FLT1: variants seen among roughly 807,000 people sequenced by gnomAD.
FLT1 encodes the protein fms related receptor tyrosine kinase 1, also known as vascular endothelial growth factor receptor 1.
In FLT1, 49 loss-of-function variants were observed where a neutral mutation model predicts 156.3. The ratio of observed to expected loss-of-function variants is 0.31; its 90% CI spans 0.25 to 0.40. The LOEUF is 0.40. Ranked by LOEUF, FLT1 falls within the 10% of genes least tolerant of loss-of-function variation. The probability of loss-of-function intolerance (pLI) is 1.00; values close to 1 mark genes in which losing one functional copy is unlikely to be tolerated. For synonymous variants in FLT1, 594 were observed against 583.8 expected, an observed-to-expected ratio of 1.02 and a Z score of -0.25; for missense variants, 1,322 against 1,637.2, an observed-to-expected ratio of 0.81 and a Z score of 3.32.
At chr13:28,368,773 C>G (rs1873421231) in intron 14 of FLT1, 1 of 609,092 alleles carries the variant, frequency 1.6e-6, no homozygotes, top group Non-Finnish European at 2.9e-6. Context: ...GGTGCAATCT[C>G]TGCGCACTGC....
intron 13 of FLT1, chr13:28,388,420 G>A (rs993932992): frequency 4.7e-6 from 5 of 1,054,702 alleles, no homozygotes; most frequent in South Asian, 4.6e-5. Flanking sequence ...CCCAGCCACT[G>A]TGTTTCTCAG....
intron 17 of FLT1, among the ~76,000 whole-genome samples, chr13:28,335,933 A>G (rs1311159193): frequency 6.6e-6 from 1 of 152,230 alleles, no homozygotes; most frequent in Non-Finnish European, 1.5e-5. Flanking sequence ...TGCCTTCTCT[A>G]TACTAGTAAA....
At chr13:28,426,529 G>A (rs1877351521) in intron 10 of FLT1, among the ~76,000 whole-genome samples, 1 of 152,160 alleles carries the variant, frequency 6.6e-6, no homozygotes, top group African/African-American at 2.4e-5. Context: ...TTTGCGCATC[G>A]AGTGATGTAA....
At chr13:28,356,947 C>G (rs1872920379) in intron 15 of FLT1, among the ~76,000 whole-genome samples, 1 of 152,200 alleles carries the variant, frequency 6.6e-6, no homozygotes, top group African/African-American at 2.4e-5. Context: ...GATTAGGCCT[C>G]TTTGTATTTT....
Position 28,389,984 on chromosome 13 carries a change from G to T in FLT1, c.1781C>A (p.Thr594Lys). The change falls in exon 13 of 30, where the codon ACA (threonine) becomes AAA (lysine). Residue 594 changes from threonine (T) to lysine (K), a missense_variant. Thr to Lys is a moderately conservative substitution (Grantham distance 78). Coordinates refer to ENST00000282397, the MANE Select transcript of FLT1 (RefSeq NM_002019.4). ...YRDVTWILLR[T>K]VNNRTMHYSI... ...GTAGTGCATTGTTCTGTTATTAACT[G>T]TCCGCAGTAAAATCCAAGTAACGTC... is the stretch of plus-strand genomic sequence containing the variant. The T allele has an allele frequency of 6.2e-7, 1 of 1,614,062 alleles. No homozygotes were observed.
At chr13:28,419,672 G>A (rs1816547492) in intron 10 of FLT1, among the ~76,000 whole-genome samples, 1 of 152,216 alleles carries the variant, frequency 6.6e-6, no homozygotes, top group Non-Finnish European at 1.5e-5. Flanking sequence ...GAGGTCAGGG[G>A]ATCGAGACCA....
chr13:28,356,654 G>C (rs574636299), intron 15 of FLT1, among the ~76,000 whole-genome samples: 10 of 152,234 alleles, frequency 6.6e-5, no homozygotes, highest in African/African-American at 2.4e-4. Context: ...AAGTTTCAGG[G>C]GGAAAAAAAC....
intron 29 of FLT1, among the ~76,000 whole-genome samples, chr13:28,306,035 C>T (rs1286736997): frequency 6.6e-6 from 1 of 152,206 alleles, no homozygotes; most frequent in Non-Finnish European, 1.5e-5. Flanking sequence ...GAACATCCGA[C>T]AGGTGCAGCT....
At chr13:28,403,307 T>G (rs970303471) in intron 11 of FLT1, among the ~76,000 whole-genome samples, 1 of 152,238 alleles carries the variant, frequency 6.6e-6, no homozygotes, top group Non-Finnish European at 1.5e-5. Context: ...TAAAATCTTC[T>G]GCGTAACTGT....
intron 15 of FLT1, among the ~76,000 whole-genome samples, chr13:28,346,511 G>A (rs532284878): frequency 1.3e-5 from 2 of 151,578 alleles, no homozygotes; most frequent in African/African-American, 2.4e-5. Context: ...CTGGAGCCCC[G>A]GAGTTTGAGA....
intron 13 of FLT1, chr13:28,388,000 G>A (rs1565997704): frequency 9.4e-7 from 1 of 1,059,864 alleles, no homozygotes; most frequent in Middle Eastern, 4.2e-4. Flanking sequence ...TCACCATTTT[G>A]TTTTCATAAG....
intron 11 of FLT1, chr13:28,399,188 T>G: frequency 9.7e-7 from 1 of 1,031,570 alleles, no homozygotes; most frequent in Non-Finnish European, 1.4e-6. Flanking sequence ...CTTAGACCCT[T>G]CAAAGCAGTA....
At chr13:28,368,664 C>A (rs1873410564) in intron 14 of FLT1, 16 of 838,782 alleles carry the variant, frequency 1.9e-5, no homozygotes, top group Non-Finnish European at 3.0e-5. Flanking sequence ...GTATACAGTT[C>A]TAGGTACACA....
chr13:28,316,255 G>C (rs913305278), intron 25 of FLT1, among the ~76,000 whole-genome samples: 4 of 152,332 alleles, frequency 2.6e-5, no homozygotes, highest in African/African-American at 9.6e-5. Flanking sequence ...ACCCCGAGAT[G>C]ATGAAGGAAA....
rs527990755 is a variant in FLT1, at chr13:28,359,877, G to A, written c.2117-2192C>T. ...TGTAATCCCAGCACTTTGGGAGGCCGAGGTGGGCAGATCATCTGAGGTCAA... is the reference window on the plus strand; with the variant it reads ...TGTAATCCCAGCACTTTGGGAGGCCAAGGTGGGCAGATCATCTGAGGTCAA... On this transcript the variant is annotated intron_variant, in intron 14 of 29. Coordinates refer to ENST00000282397, the MANE Select transcript of FLT1 (RefSeq NM_002019.4). Among the ~76,000 whole-genome samples, 298 of 152,236 alleles carry A rather than the reference G, an allele frequency of 2.0e-3. 2 individuals carry two copies. Among genetic ancestry groups the A allele is most frequent in the Non-Finnish European group, 2.1e-3 (142 of 68,012 alleles).
At chr13:28,476,334 G>A (rs1385721527) in intron 1 of FLT1, among the ~76,000 whole-genome samples, 2 of 152,210 alleles carry the variant, frequency 1.3e-5, no homozygotes, top group African/African-American at 4.8e-5. Flanking sequence ...AATGTGGCAA[G>A]AGTATGAAGC....
chr13:28,309,062 G>A (rs552851491), intron 27 of FLT1, 135 bp from the exon 28 acceptor site: 17 of 657,286 alleles, frequency 2.6e-5, no homozygotes, highest in South Asian at 6.2e-5. Context: ...CTGAGGCCCC[G>A]ATCTCCCCGC....
intron 14 of FLT1, among the ~76,000 whole-genome samples, chr13:28,378,366 C>A (rs941339958): frequency 1.3e-5 from 2 of 152,116 alleles, no homozygotes; most frequent in African/African-American, 4.8e-5. Context: ...TCTTTAAGGG[C>A]TGAGAATGAG....
In FLT1 at chr13:28,317,531, C is replaced by T. The variant is rs2138822470; in HGVS notation, c.3353G>A (p.Arg1118Lys). The T allele has an allele frequency of 6.2e-7, 1 of 1,613,820 alleles. No homozygotes were observed. The highest frequency in any genetic ancestry group is 2.2e-5 in the East Asian group (1 of 44,878). ...DFCSRLREGM[R>K]MRAPEYSTPE... is the part of the protein sequence containing the mutation. ...AGTAGAGTACTCAGGAGCTCTCATC[C>T]TCATGCCTTCCCTCAGGCGACTGCA... Residue 1118 changes from arginine to lysine, a missense_variant, in exon 25 of 30, where the codon AGG becomes AAG. Arg to Lys is a conservative substitution (Grantham distance 26, BLOSUM62 2). Around this residue, in one of 3 missense-constraint regions of FLT1, gnomAD observed 329 missense variants for 366.2 expected, o/e 0.90. Coordinates refer to ENST00000282397, the MANE Select transcript of FLT1 (RefSeq NM_002019.4).
Sources: allele counts gnomAD v4.1 joint callset (sites outside exome capture counted in the v4.1 genomes callset), GRCh38; gene constraint gnomAD v4.1.1; regional missense constraint gnomAD v4.1.1; transcripts MANE v1.5; gene names NCBI Gene and HGNC (gene_info 2026-07-23, HGNC 2026-07-21).